Variants in KIRREL1 observed in about 807,000 individuals in gnomAD.
The protein encoded by KIRREL1 is kirre like nephrin family adhesion molecule 1.
In KIRREL1, 25 loss-of-function variants were observed where a neutral mutation model predicts 83.3. The observed-to-expected ratio is 0.30, with a 90% CI of 0.22 to 0.42. The LOEUF (loss-of-function observed/expected upper bound fraction) is 0.42. KIRREL1 is among the 10% of genes least tolerant of loss of function. The pLI, the probability that KIRREL1 is intolerant of heterozygous loss-of-function variation, is 1.00. For missense variants in KIRREL1, 812 were observed against 1,032.3 expected, an observed-to-expected ratio of 0.79 and a Z score of 2.92; for synonymous variants, 388 against 410.4, an observed-to-expected ratio of 0.95 and a Z score of 0.66.
intron 1 of KIRREL1, among the ~76,000 whole-genome samples, chr1:158,034,984 C>A (rs1481744133): frequency 6.7e-6 from 1 of 149,770 alleles, no homozygotes. Context: ...CTTTACTGAA[C>A]TGGTTGTGTG....
chr1:158,092,501 C>G lies in KIRREL1; in HGVS notation c.1472-838C>G, dbSNP rs7546598. On this transcript the variant is annotated intron_variant, in intron 11 of 14. Transcript: ENST00000359209. Reference sequence around the variant, plus strand: ...TAGCTGGGACTACAGGCACCCGCCACTACGCCCGGCTAATTTTTTGTATTT... The same window carrying G: ...TAGCTGGGACTACAGGCACCCGCCAGTACGCCCGGCTAATTTTTTGTATTT... Among the ~76,000 whole-genome samples the G allele has an allele frequency of 5.6e-3, 857 of 152,174 alleles. 6 individuals carry two copies. Among genetic ancestry groups the G allele is most frequent in the African/African-American group, 0.019 (803 of 41,506 alleles).
chr1:158,011,855 C>T (rs1156293952), intron 1 of KIRREL1, among the ~76,000 whole-genome samples: 1 of 152,158 alleles, frequency 6.6e-6, no homozygotes, highest in African/African-American at 2.4e-5. Flanking sequence ...GCCTCCTTTC[C>T]CTGGACCGGG....
intron 1 of KIRREL1, among the ~76,000 whole-genome samples, chr1:158,051,036 A>C (rs1157750833): frequency 6.6e-6 from 1 of 152,146 alleles, no homozygotes; most frequent in African/African-American, 2.4e-5. Flanking sequence ...CTTACTGGGG[A>C]GAAAAGACAT....
intron 1 of KIRREL1, among the ~76,000 whole-genome samples, chr1:158,040,647 T>C (rs1417940063): frequency 6.6e-6 from 1 of 152,240 alleles, no homozygotes. Context: ...CTTGATTTTA[T>C]AACACAGAGC....
intron 1 of KIRREL1, among the ~76,000 whole-genome samples, chr1:158,058,966 C>T (rs1236466517): frequency 6.6e-6 from 1 of 152,180 alleles, no homozygotes; most frequent in South Asian, 2.1e-4. Context: ...TTTGGAGATG[C>T]AGAGAGGGAG....
intron 1 of KIRREL1, among the ~76,000 whole-genome samples, chr1:158,003,200 G>A (rs1280711174): frequency 2.0e-5 from 3 of 151,988 alleles, no homozygotes; most frequent in East Asian, 1.9e-4. Flanking sequence ...CTTCCCATTC[G>A]ATTCGCTTAA....
Position 158,099,744 on chromosome 1 carries a change from T to C in KIRREL1, c.*4624T>C, listed in dbSNP as rs1662444831. 1.3e-5 allele frequency: 2 copies of C among 152,204 alleles called. No individual in the cohort carries two copies. The highest frequency in any genetic ancestry group is 4.8e-5 in the African/African-American group (2 of 41,420). The allele number at this position is 152,204 out of a possible 1,614,324, so 9.4% of individuals were successfully genotyped here. ...TTGCTGGCCCCAACCACTGGCCTTG[T>C]TGAGTATCGATGGGCCCTGAGCTCT... On this transcript the variant is annotated 3_prime_UTR_variant, in exon 15 of 15. Transcript: ENST00000359209.
At chr1:158,055,621 G>A (rs12749549) in intron 1 of KIRREL1, among the ~76,000 whole-genome samples, 11,804 of 152,254 alleles carry the variant, frequency 0.078, 491 homozygotes, top group Middle Eastern at 0.15. Context: ...TTGGCATCTC[G>A]TGGTGTTGAA....
chr1:158,060,033 GTC>G (rs1285791402), intron 1 of KIRREL1, among the ~76,000 whole-genome samples: 1 of 152,136 alleles, frequency 6.6e-6, no homozygotes, highest in African/African-American at 2.4e-5. Context: ...CTTCCTCCAA[GTC>G]TCTGCTCCTT....
chr1:158,044,434 A>G (rs770523182), intron 1 of KIRREL1, among the ~76,000 whole-genome samples: 2 of 152,218 alleles, frequency 1.3e-5, no homozygotes, highest in Non-Finnish European at 2.9e-5. Context: ...AAGCTTCCAA[A>G]AATTATAACA....
intron 1 of KIRREL1, among the ~76,000 whole-genome samples, chr1:158,008,193 T>G (rs1571531161): frequency 2.1e-5 from 3 of 144,358 alleles, no homozygotes; most frequent in Non-Finnish European, 3.0e-5. Context: ...AAGGGGAGAG[T>G]GGGAAGAGAC....
intron 1 of KIRREL1, among the ~76,000 whole-genome samples, chr1:158,024,836 A>AG (rs1660121356): frequency 6.6e-6 from 1 of 152,170 alleles, no homozygotes; most frequent in South Asian, 2.1e-4. Flanking sequence ...CATTTTTAGA[A>AG]GGAAGGGAGG....
chr1:158,094,820 C>T lies in KIRREL1; in HGVS notation c.1974C>T (p.Ala658=), dbSNP rs371107014. 6.2e-7 allele frequency: 1 copy of T among 1,614,042 alleles called. No individual in the cohort carries two copies. The change falls in exon 15 of 15, where the codon GCC becomes GCT. Residue 658 remains alanine (A), a synonymous_variant. Transcript: ENST00000359209. This position sits in a 1 kb window ranked among gnomAD's most constrained non-coding sequence, Gnocchi z 4.6. ...TCAACACCTATAGCCGGGGCCCTGC[C>T]TCTGACTATGGCCCTGAGCCCACAC... ...AQLNTYSRGP[A]SDYGPEPTPP...
At chr1:158,034,630 G>A (rs11264878) in intron 1 of KIRREL1, among the ~76,000 whole-genome samples, 114,673 of 152,126 alleles carry the variant, frequency 0.75, 44,088 homozygotes, top group East Asian at 0.87. Flanking sequence ...GCTTCCTAGG[G>A]CTGAGTTTTT....
chr1:158,097,225 C>A lies in KIRREL1; in HGVS notation c.*2105C>A, dbSNP rs1321087644. On this transcript the variant is annotated 3_prime_UTR_variant, in exon 15 of 15. Coordinates refer to ENST00000359209, the MANE Select transcript of KIRREL1 (RefSeq NM_018240.7). ...CAAGAAATTCAGGTTCTTGTACAGA[C>A]AAATTCATGCAAATTTCTATTATTT... is the stretch of plus-strand genomic sequence containing the variant. 3 of 337,388 alleles carry A rather than the reference C, an allele frequency of 8.9e-6. No individual in the cohort carries two copies. The highest frequency in any genetic ancestry group is 1.2e-5 in the Non-Finnish European group (2 of 173,196). 20.9% of individuals were successfully genotyped at this position (337,388 alleles called of 1,614,324 possible).
intron 1 of KIRREL1, among the ~76,000 whole-genome samples, chr1:158,038,836 G>A (rs1660546910): frequency 6.6e-6 from 1 of 152,352 alleles, no homozygotes; most frequent in South Asian, 2.1e-4. Context: ...GAATCCAGAA[G>A]AGTGGTACGT....
chr1:158,072,743 G>C (rs1392984861), intron 1 of KIRREL1, among the ~76,000 whole-genome samples: 1 of 152,080 alleles, frequency 6.6e-6, no homozygotes, highest in Non-Finnish European at 1.5e-5. Context: ...AGCAGAGAAG[G>C]GAAGGGCAAG....
At position 158,099,748 on chromosome 1, in the gene KIRREL1, G is replaced by A. The variant is rs553408546; in HGVS notation, c.*4628G>A. ...TGGCCCCAACCACTGGCCTTGTTGA[G>A]TATCGATGGGCCCTGAGCTCTTCTG... On this transcript the variant is annotated 3_prime_UTR_variant, in exon 15 of 15. Coordinates refer to ENST00000359209, the MANE Select transcript of KIRREL1 (RefSeq NM_018240.7). 6.6e-6 allele frequency: 1 copy of A among 152,160 alleles called. No individual in the cohort carries two copies. The highest frequency in any genetic ancestry group is 2.4e-5 in the African/African-American group (1 of 41,404). The allele number at this position is 152,160 out of a possible 1,614,324, so 9.4% of individuals were successfully genotyped here.
chr1:158,087,629 G>A (rs878987130), intron 5 of KIRREL1, 126 bp from the exon 6 acceptor site: 62 of 650,296 alleles, frequency 9.5e-5, no homozygotes, highest in South Asian at 7.0e-4. Context: ...AACTGGAGCC[G>A]ATACACTGCA....
Sources: allele counts gnomAD v4.1 joint callset (sites outside exome capture counted in the v4.1 genomes callset), GRCh38; gene constraint gnomAD v4.1.1; non-coding constraint Gnocchi (gnomAD v3.1); transcripts MANE v1.5; gene names NCBI Gene and HGNC (gene_info 2026-07-23, HGNC 2026-07-21).